Variants in CACNA1D observed in about 807,000 individuals in gnomAD.
The protein encoded by CACNA1D is voltage-dependent L-type calcium channel subunit alpha-1D.
A neutral mutation model predicts 257.1 loss-of-function variants in CACNA1D; 55 were observed. The ratio of observed to expected loss-of-function variants is 0.21; its 90% CI spans 0.17 to 0.27. The LOEUF is 0.27. Among genes scored for constraint, CACNA1D ranks in the 10% least tolerant of loss-of-function variants. CACNA1D has a pLI of 1.00. For missense variants in CACNA1D, 1,876 were observed against 2,784.0 expected (o/e 0.67, Z 7.34); for synonymous variants, 980 against 1,014.9 (o/e 0.97, Z 0.65).
intron 3 of CACNA1D, among the ~76,000 whole-genome samples, chr3:53,542,652 A>T (rs758603): frequency 6.6e-6 from 1 of 151,938 alleles, no homozygotes. Flanking sequence ...GGTTAGATGC[A>T]AGTTAGATAT....
chr3:53,731,774 C>A (rs370846371), intron 17 of CACNA1D, among the ~76,000 whole-genome samples: 1 of 152,208 alleles, frequency 6.6e-6, no homozygotes, highest in Non-Finnish European at 1.5e-5. Context: ...AGGACAGAGC[C>A]CTGAATGGTG....
chr3:53,520,849 C>T (rs370381749), intron 3 of CACNA1D, among the ~76,000 whole-genome samples: 1 of 133,000 alleles, frequency 7.5e-6, no homozygotes, highest in Non-Finnish European at 1.6e-5. Context: ...TTTGCAAACT[C>T]CTTTCTTTCT....
rs957301410 is a variant in CACNA1D at position 53,705,259 on chromosome 3, G to A, written c.1390+2449G>A. ...CTCCGTGGGAGGAGCAGCCCTGGGC[G>A]GCAGAGGTTGGGGGTGGGGGCTTTT... On this transcript the variant is annotated intron_variant, in intron 9 of 47. Transcript: ENST00000350061. Among the ~76,000 whole-genome samples, 15 of 152,314 alleles carry A rather than the reference G, an allele frequency of 9.8e-5. 1 individual carries two copies. Among genetic ancestry groups the A allele is most frequent in the Admixed American group, 5.9e-4 (9 of 15,298 alleles).
intron 8 of CACNA1D, among the ~76,000 whole-genome samples, chr3:53,695,741 C>T (rs2094567587): frequency 1.3e-5 from 2 of 152,118 alleles, no homozygotes; most frequent in African/African-American, 2.4e-5. Context: ...ATGTTAAATC[C>T]AACCCATCAC....
intron 3 of CACNA1D, among the ~76,000 whole-genome samples, chr3:53,503,328 A>G (rs2090682599): frequency 6.6e-6 from 1 of 152,184 alleles, no homozygotes; most frequent in Non-Finnish European, 1.5e-5. Context: ...TTCTTTGTAG[A>G]CATGTGACAT....
chr3:53,628,152 A>AT (rs2093781393), intron 3 of CACNA1D, among the ~76,000 whole-genome samples: 1 of 152,192 alleles, frequency 6.6e-6, no homozygotes, highest in Admixed American at 6.5e-5. Flanking sequence ...AGAATGAAGA[A>AT]TTTTATCATA....
chr3:53,529,444 G>T (rs562208651), intron 3 of CACNA1D, among the ~76,000 whole-genome samples: 35 of 152,218 alleles, frequency 2.3e-4, no homozygotes, highest in African/African-American at 8.2e-4. Flanking sequence ...TGTTCTTGAG[G>T]GATATTGGGT....
chr3:53,634,313 T>C (rs1371384666), intron 3 of CACNA1D, among the ~76,000 whole-genome samples: 1 of 152,234 alleles, frequency 6.6e-6, no homozygotes, highest in Admixed American at 6.5e-5. Flanking sequence ...ATTAAAATGA[T>C]GATTGTCCTC....
chr3:53,681,451 C>T (rs2094429332), intron 8 of CACNA1D, among the ~76,000 whole-genome samples: 1 of 152,140 alleles, frequency 6.6e-6, no homozygotes, highest in Admixed American at 6.5e-5. Flanking sequence ...CTCTTAACTT[C>T]CTAAGAATGA....
intron 9 of CACNA1D, among the ~76,000 whole-genome samples, chr3:53,705,184 C>G (rs562421645): frequency 6.6e-6 from 1 of 151,854 alleles, no homozygotes; most frequent in Non-Finnish European, 1.5e-5. Context: ...CAGGAGGGCG[C>G]GATGATTCTG....
chr3:53,612,649 C>T (rs2093595583), intron 3 of CACNA1D, among the ~76,000 whole-genome samples: 1 of 152,204 alleles, frequency 6.6e-6, no homozygotes, highest in African/African-American at 2.4e-5. Flanking sequence ...ATTCTTTGCC[C>T]TGCAGTGTCT....
chr3:53,741,258 A>G (rs1008569792), intron 21 of CACNA1D, among the ~76,000 whole-genome samples: 4 of 152,226 alleles, frequency 2.6e-5, no homozygotes, highest in Non-Finnish European at 5.9e-5. Context: ...TGTCAGGGCA[A>G]CCATCTCCTA....
At chr3:53,499,999 A>G (rs2090522131) in intron 2 of CACNA1D, among the ~76,000 whole-genome samples, 1 of 152,198 alleles carries the variant, frequency 6.6e-6, no homozygotes, top group African/African-American at 2.4e-5. Flanking sequence ...CTTAAAAAAA[A>G]TAAACCCATC....
chr3:53,702,059 C>A (rs1263174238), intron 8 of CACNA1D, among the ~76,000 whole-genome samples: 2 of 152,204 alleles, frequency 1.3e-5, no homozygotes, highest in Admixed American at 6.5e-5. Context: ...ACTGCCCTGA[C>A]TCCATGCACT....
At chr3:53,624,044 G>C (rs186694224) in intron 3 of CACNA1D, among the ~76,000 whole-genome samples, 1 of 152,322 alleles carries the variant, frequency 6.6e-6, no homozygotes, top group Admixed American at 6.5e-5. Flanking sequence ...TTACCCATCT[G>C]TAGTGCCATG....
chr3:53,689,043 AT>A (rs2094497119), intron 8 of CACNA1D, among the ~76,000 whole-genome samples: 1 of 152,152 alleles, frequency 6.6e-6, no homozygotes, highest in Admixed American at 6.5e-5. Context: ...CCCTTTGGCT[AT>A]CAGTCAAGGA....
intron 2 of CACNA1D, among the ~76,000 whole-genome samples, chr3:53,498,946 G>A (rs1008089846): frequency 1.3e-5 from 2 of 152,152 alleles, no homozygotes; most frequent in African/African-American, 2.4e-5. Flanking sequence ...GTCTGAGAAC[G>A]AGGAGGGAGC....
chr3:53,764,777 T>C (rs913958357), intron 30 of CACNA1D, among the ~76,000 whole-genome samples: 1 of 152,248 alleles, frequency 6.6e-6, no homozygotes, highest in African/African-American at 2.4e-5. Context: ...CTGAAGTTTC[T>C]AGTTAGCATT....
At chr3:53,696,139 A>T (rs2094571029) in intron 8 of CACNA1D, among the ~76,000 whole-genome samples, 1 of 152,050 alleles carries the variant, frequency 6.6e-6, no homozygotes, top group South Asian at 2.1e-4. Context: ...AACTTAAAAA[A>T]AATTATTTTG....
Sources: allele counts gnomAD v4.1 joint callset (sites outside exome capture counted in the v4.1 genomes callset), GRCh38; gene constraint gnomAD v4.1.1; transcripts MANE v1.5; gene names NCBI Gene and HGNC (gene_info 2026-07-23, HGNC 2026-07-21).